The following DDX60L variants were observed in gnomAD, a reference collection of about 807,000 sequenced individuals.
DDX60L encodes DExD/H-box 60 like, also known as probable ATP-dependent RNA helicase DDX60-like.
DDX60L carries 191 observed loss-of-function variants against 211.6 expected under a neutral mutation model. The observed-to-expected ratio is 0.90, with a 90% CI of 0.80 to 1.02. DDX60L has a LOEUF of 1.02. Among genes scored for constraint, DDX60L ranks in the 50% least tolerant of loss-of-function variants. The pLI, the probability that DDX60L is intolerant of heterozygous loss-of-function variation, is 0.00. For synonymous variants in DDX60L, 706 were observed against 694.1 expected (o/e 1.02, Z -0.27); for missense variants, 2,007 against 1,984.1 (o/e 1.01, Z -0.22).
Position 168,384,790 on chromosome 4 carries a change from C to CCCAGGCTCAAGTGA in DDX60L, c.3937_3938insTCACTTGAGCCTGG (p.Arg1313IlefsTer3). 1 of 1,613,318 alleles carries CCCAGGCTCAAGTGA rather than the reference C, an allele frequency of 6.2e-7. No individual in the cohort carries two copies. The highest frequency in any genetic ancestry group is 8.5e-7 in the Non-Finnish European group (1 of 1,179,626). On this transcript the variant is annotated stop_gained and frameshift_variant, in exon 30 of 38. Transcript: ENST00000682922. LOFTEE classifies it high-confidence loss of function. ...CACATTTCCAAGCAGGTCTTGACCTCTTCTTCCAGCACGACCAGACATCTG... is the reference window on the plus strand; with the variant it reads ...CACATTTCCAAGCAGGTCTTGACCTCCCAGGCTCAAGTGATTCTTCCAGCACGACCAGACATCTG...
Position 168,471,753 on chromosome 4 carries a change from GA to G in DDX60L, c.257del (p.Phe86SerfsTer18). 1 of 1,590,802 alleles carries G rather than the reference GA, an allele frequency of 6.3e-7. No homozygotes were observed. Among genetic ancestry groups the G allele is most frequent in the Non-Finnish European group, 8.5e-7 (1 of 1,174,276 alleles). On this transcript the variant is annotated frameshift_variant, in exon 4 of 38. Transcript: ENST00000682922. LOFTEE classifies it high-confidence loss of function. ...ATCAATCATCATATATTACCTTAAA[GA>G]AAACTATGGTGAATTGTCCTCCGTT... is the stretch of plus-strand genomic sequence containing the variant. ...LSNGGQFTIV[F>X]FKDAEYAYFD... is the part of the protein sequence containing the mutation.
At chr4:168,422,823 T>A (rs1211258883) in intron 15 of DDX60L, among the ~76,000 whole-genome samples, 153 bp from the exon 16 acceptor site, 1 of 152,112 alleles carries the variant, frequency 6.6e-6, no homozygotes, top group Non-Finnish European at 1.5e-5. Flanking sequence ...TCACCCAGGC[T>A]GGAGTGCAGT....
At chr4:168,424,516 T>C (rs1215850559) in intron 14 of DDX60L, among the ~76,000 whole-genome samples, 1 of 152,166 alleles carries the variant, frequency 6.6e-6, no homozygotes, top group East Asian at 1.9e-4. Flanking sequence ...ACAAATGAAA[T>C]TTAAGACAGA....
chr4:168,415,717 T>C lies in DDX60L; in HGVS notation c.2809A>G (p.Lys937Glu). 6.2e-7 allele frequency: 1 copy of C among 1,603,462 alleles called. No individual in the cohort carries two copies. The highest frequency in any genetic ancestry group is 8.5e-7 in the Non-Finnish European group (1 of 1,173,974). Residue 937 changes from lysine to glutamate, a missense_variant, in exon 21 of 38, where the codon AAA becomes GAA. Lys to Glu is a moderately conservative substitution (Grantham distance 56). Transcript: ENST00000682922. ...TGGTCTTGGAGAAAGTTGAGACATT[T>C]GTCAGCCTGTTTTTCAGAAATACAT... ...EKCISEKQAD[K>E]CLNFLQDHSY...
In DDX60L at chr4:168,396,077, A is replaced by T. The variant is rs1406797617; in HGVS notation, c.3539T>A (p.Val1180Glu). The T allele has an allele frequency of 6.4e-7, 1 of 1,571,020 alleles. No individual in the cohort carries two copies. The highest frequency in any genetic ancestry group is 1.9e-5 in the Admixed American group (1 of 52,246). The change falls in exon 27 of 38, where the codon GTG becomes GAG. Residue 1180 changes from valine (V) to glutamate (E), a missense_variant. By Grantham distance (121) the Val-to-Glu change is moderately radical. Coordinates refer to ENST00000682922, the MANE Select transcript of DDX60L (RefSeq NM_001012967.3). ...KKAEKLERKK[V>E]YRAEYINFLE... ...GAAATTAATATATTCAGCTCTATAC[A>T]CTTTTTTTCTTTCCAGTTTTTCAGC... is the stretch of plus-strand genomic sequence containing the variant.
rs1006610790 is a variant in DDX60L at position 168,384,632 on chromosome 4, G to A, written c.4096C>T (p.Pro1366Ser). ...LMLLASKGDDPEDAKAKVLSV... is the reference protein window; with the variant it reads ...LMLLASKGDDSEDAKAKVLSV... ...GGTACCTTTGCCTTGGCATCCTCTG[G>A]GTCATCTCCCTTGGAAGCCAGCAGC... The change falls in exon 30 of 38, where the codon CCA becomes TCA. Residue 1366 changes from proline to serine, a missense_variant. Transcript: ENST00000682922. The A allele has an allele frequency of 1.2e-5, 20 of 1,613,830 alleles. 1 individual carries two copies. In the East Asian group the frequency reaches 4.0e-4, roughly 32 times the overall value.
chr4:168,389,631 A>C (rs1744456568), intron 29 of DDX60L, among the ~76,000 whole-genome samples: 1 of 152,224 alleles, frequency 6.6e-6, no homozygotes, highest in Non-Finnish European at 1.5e-5. Flanking sequence ...AGCTTTGGAG[A>C]CTGAATTTTC....
intron 17 of DDX60L, 83 bp from the exon 18 acceptor site, chr4:168,420,463 TAC>T (rs10598232): frequency 0.04 from 18,245 of 451,750 alleles, 190 homozygotes; most frequent in Middle Eastern, 0.071. Context: ...TCCATACACA[TAC>T]ACACACACAC....
chr4:168,461,111 T>C (rs1757269173), intron 5 of DDX60L, among the ~76,000 whole-genome samples: 1 of 152,180 alleles, frequency 6.6e-6, no homozygotes, highest in Admixed American at 6.5e-5. Context: ...CTTACTCTCC[T>C]TCCCAGAGGT....
In DDX60L at chr4:168,358,052, A is replaced by G. The variant is rs1210523828; in HGVS notation, c.*95T>C. 4 of 1,175,896 alleles carry G rather than the reference A, an allele frequency of 3.4e-6. No individual in the cohort carries two copies. In the Admixed American group the frequency reaches 6.9e-5, roughly 20 times the overall value. 72.8% of individuals were successfully genotyped at this position (1,175,896 alleles called of 1,614,324 possible). A position where few individuals can be genotyped will look rare whatever the true frequency, so the allele number is the denominator to read the frequency against. On this transcript the variant is annotated 3_prime_UTR_variant, in exon 38 of 38. Transcript: ENST00000682922. The stretch of plus-strand genomic sequence containing the variant: ...GTTTAATTCTGTTTGACTCCAAGAC[A>G]AACATTTTTTCCATTTCATTGTGTA...
chr4:168,364,073 T>C (rs193263335), intron 36 of DDX60L, among the ~76,000 whole-genome samples: 7 of 152,204 alleles, frequency 4.6e-5, no homozygotes, highest in Admixed American at 6.5e-5. Context: ...TGAGCTATGA[T>C]TGTGCCACTG....
At chr4:168,428,797 G>A (rs747234737) in intron 13 of DDX60L, among the ~76,000 whole-genome samples, 11 of 152,036 alleles carry the variant, frequency 7.2e-5, no homozygotes, top group Admixed American at 3.3e-4. Context: ...AAAATCTACC[G>A]TTTGTTCAGT....
At chr4:168,431,111 T>A (rs190416094) in intron 12 of DDX60L, among the ~76,000 whole-genome samples, 1 of 152,298 alleles carries the variant, frequency 6.6e-6, no homozygotes, top group East Asian at 1.9e-4. Flanking sequence ...ACCTAAAACA[T>A]TCTGTTTGCA....
At chr4:168,370,469 A>G (rs886440942) in intron 36 of DDX60L, among the ~76,000 whole-genome samples, 3 of 152,176 alleles carry the variant, frequency 2.0e-5, no homozygotes, top group African/African-American at 7.2e-5. Flanking sequence ...ATCAACATGT[A>G]CAAAATTACA....
At chr4:168,434,457 C>T (rs1200699870) in intron 10 of DDX60L, among the ~76,000 whole-genome samples, 1 of 152,176 alleles carries the variant, frequency 6.6e-6, no homozygotes, top group African/African-American at 2.4e-5. Flanking sequence ...GTAAGGGGAA[C>T]CCCAGAATTC....
chr4:168,392,466 A>C (rs990712614), intron 28 of DDX60L, among the ~76,000 whole-genome samples: 1 of 152,204 alleles, frequency 6.6e-6, no homozygotes, highest in Admixed American at 6.5e-5. Flanking sequence ...TTATTGGTTC[A>C]TCTGTAAAAG....
At chr4:168,394,138 G>A (rs980038161) in intron 28 of DDX60L, among the ~76,000 whole-genome samples, 22 of 151,904 alleles carry the variant, frequency 1.4e-4, no homozygotes, top group Non-Finnish European at 2.9e-4. Flanking sequence ...GGAGGTTGCA[G>A]TAAGCCAAGA....
chr4:168,460,880 C>A (rs1757235446), intron 5 of DDX60L, among the ~76,000 whole-genome samples: 1 of 152,130 alleles, frequency 6.6e-6, no homozygotes, highest in South Asian at 2.1e-4. Flanking sequence ...CATAGTTCAC[C>A]AGAACTCAGG....
rs191408555 is a variant in DDX60L, at chr4:168,389,539, C to T, written c.3915+2001G>A. On this transcript the variant is annotated intron_variant, in intron 29 of 37. Transcript: ENST00000682922. The stretch of plus-strand genomic sequence containing the variant: ...AGGAAGGAAGGTGCATAGCTTCATG[C>T]CACATATTCAAATAGATCTAGAGAA... 2.2e-4 allele frequency among the ~76,000 whole-genome samples: 34 copies of T among 152,212 alleles called. No individual in the cohort carries two copies. The East Asian group carries it at 5.8e-3, about 26-fold the overall frequency.
Sources: gnomAD v4.1 joint callset for allele counts (sites outside exome capture counted in the v4.1 genomes callset) on GRCh38, gnomAD v4.1.1 for gene constraint, MANE v1.5 for transcripts, NCBI Gene and HGNC (gene_info 2026-07-23, HGNC 2026-07-21) for gene names.